The following SLC35D4 variants were observed in gnomAD, a reference collection of about 807,000 sequenced individuals.
SLC35D4 encodes solute carrier family 35 member D4.
the SLC35D4 span, chr18:23,365,577 T>G: frequency 6.3e-7 from 1 of 1,597,926 alleles, no homozygotes; most frequent in Non-Finnish European, 8.5e-7. Flanking sequence ...ACAGGCTCAC[T>G]GGGTCCAATA....
the SLC35D4 span, among the ~76,000 whole-genome samples, chr18:23,383,273 G>A: frequency 2.0e-5 from 3 of 151,972 alleles, no homozygotes; most frequent in African/African-American, 7.3e-5. Context: ...GTGGCATGAG[G>A]ACAGAGGCTC....
the SLC35D4 span, among the ~76,000 whole-genome samples, chr18:23,399,859 T>A: frequency 6.6e-6 from 1 of 152,316 alleles, no homozygotes; most frequent in South Asian, 2.1e-4. Flanking sequence ...TTACTGATCA[T>A]CTAGCCTAAG....
chr18:23,302,468 C>T, the SLC35D4 span, among the ~76,000 whole-genome samples: 1 of 152,180 alleles, frequency 6.6e-6, no homozygotes, highest in Non-Finnish European at 1.5e-5. Flanking sequence ...TCCTACAAGG[C>T]ACAGAACAAC....
the SLC35D4 span, among the ~76,000 whole-genome samples, chr18:23,357,003 G>A: frequency 2.0e-5 from 3 of 152,148 alleles, no homozygotes; most frequent in Admixed American, 2.0e-4. Context: ...AAGAAACATG[G>A]CTAAGATTGC....
At chr18:23,369,918 C>T in the SLC35D4 span, among the ~76,000 whole-genome samples, 1,743 of 152,230 alleles carry the variant, frequency 0.011, 15 homozygotes, top group Middle Eastern at 0.027. Context: ...TGGTGGCTCA[C>T]GCCTGTAATC....
At chr18:23,309,776 T>C in the SLC35D4 span, 13 of 1,599,964 alleles carry the variant, frequency 8.1e-6, no homozygotes, top group Non-Finnish European at 1.1e-5. Flanking sequence ...AAGGTCATCA[T>C]ACCAGCAGGG....
the SLC35D4 span, among the ~76,000 whole-genome samples, chr18:23,425,242 A>C: frequency 6.6e-5 from 10 of 152,164 alleles, no homozygotes; most frequent in Non-Finnish European, 1.2e-4. Context: ...TAGGGACTAC[A>C]GGTGCTCACC....
the SLC35D4 span, among the ~76,000 whole-genome samples, chr18:23,356,006 G>A: frequency 1.3e-5 from 2 of 152,124 alleles, no homozygotes; most frequent in East Asian, 3.8e-4. This position sits in a 1 kb window ranked among gnomAD's most constrained non-coding sequence, Gnocchi z 4.1. Flanking sequence ...GAGAGGGTGA[G>A]GATACACTTC....
At chr18:23,245,113 C>T in the SLC35D4 span, among the ~76,000 whole-genome samples, 4 of 152,232 alleles carry the variant, frequency 2.6e-5, no homozygotes, top group Admixed American at 2.6e-4. Flanking sequence ...GGGGCATTCA[C>T]TTCACAGCAT....
At chr18:23,437,592 G>C in the SLC35D4 span, among the ~76,000 whole-genome samples, 2 of 152,160 alleles carry the variant, frequency 1.3e-5, no homozygotes, top group African/African-American at 4.8e-5. Flanking sequence ...GCAGGAAACG[G>C]GGACAGTACA....
chr18:23,401,394 G>T, the SLC35D4 span, among the ~76,000 whole-genome samples: 3 of 152,212 alleles, frequency 2.0e-5, no homozygotes, highest in Non-Finnish European at 2.9e-5. Flanking sequence ...CCAATTATCT[G>T]AGGGATATTC....
the SLC35D4 span, among the ~76,000 whole-genome samples, chr18:23,255,556 GAT>G: frequency 7.0e-6 from 1 of 142,906 alleles, no homozygotes; most frequent in Non-Finnish European, 1.5e-5. Context: ...CTGAACTAAT[GAT>G]TTTTTTTTTT....
the SLC35D4 span, among the ~76,000 whole-genome samples, chr18:23,384,550 C>T: frequency 6.6e-6 from 1 of 152,174 alleles, no homozygotes; most frequent in Non-Finnish European, 1.5e-5. Context: ...CAGATGGAGG[C>T]CTGGAAGGTG....
At chr18:23,299,778 T>G in the SLC35D4 span, among the ~76,000 whole-genome samples, 1 of 152,072 alleles carries the variant, frequency 6.6e-6, no homozygotes, top group Non-Finnish European at 1.5e-5. Context: ...TTGAGGGGCT[T>G]AGAGGATGTC....
the SLC35D4 span, among the ~76,000 whole-genome samples, chr18:23,312,245 C>A: frequency 1.3e-5 from 2 of 152,286 alleles, no homozygotes; most frequent in Middle Eastern, 3.4e-3. Flanking sequence ...CCGTGAGCCT[C>A]TTTAGCTTAG....
At chr18:23,246,424 C>T in the SLC35D4 span, among the ~76,000 whole-genome samples, 4 of 151,988 alleles carry the variant, frequency 2.6e-5, no homozygotes, top group Admixed American at 2.6e-4. Context: ...CGGAGTCTTG[C>T]TCTGTCGCCC....
At chr18:23,414,268 GAAAAAA>G in the SLC35D4 span, among the ~76,000 whole-genome samples, 1 of 110,218 alleles carries the variant, frequency 9.1e-6, no homozygotes, top group South Asian at 2.9e-4. Context: ...AGAAAGAAAA[GAAAAAA>G]AAGAAAAAGA....
the SLC35D4 span, among the ~76,000 whole-genome samples, chr18:23,302,692 C>T: frequency 6.6e-6 from 1 of 152,176 alleles, no homozygotes; most frequent in African/African-American, 2.4e-5. Flanking sequence ...CCCAGCCCAG[C>T]CCTTTGGTGG....
chr18:23,328,466 A>G, the SLC35D4 span, among the ~76,000 whole-genome samples: 2 of 152,206 alleles, frequency 1.3e-5, no homozygotes, highest in African/African-American at 4.8e-5. Context: ...TGCTACAAAG[A>G]GAATAAAATA....
Sources: allele counts gnomAD v4.1 joint callset (sites outside exome capture counted in the v4.1 genomes callset), GRCh38; gene constraint gnomAD v4.1.1; non-coding constraint Gnocchi (gnomAD v3.1); transcripts MANE v1.5; gene names NCBI Gene and HGNC (gene_info 2026-07-23, HGNC 2026-07-21).